Variants in STAT6 observed in about 807,000 individuals in gnomAD.
STAT6 encodes STAT, interleukin4-induced.
In STAT6, 45 loss-of-function variants were observed where a neutral mutation model predicts 106.3. That is an observed-to-expected ratio of 0.42 (90% CI 0.33 to 0.54). STAT6 has a LOEUF of 0.54. Among genes scored for constraint, STAT6 ranks in the 20% least tolerant of loss-of-function variants. STAT6 has a pLI of 0.06. For missense variants in STAT6, 797 were observed against 1,062.2 expected (o/e 0.75, Z 3.47); for synonymous variants, 413 against 413.6 (o/e 1.00, Z 0.02).
chr12:57,105,951 G>A, intron 7 of STAT6: 1 of 673,026 alleles, frequency 1.5e-6, no homozygotes, highest in Non-Finnish European at 2.4e-6. Flanking sequence ...TCTAGGCATG[G>A]GGCTTGAGGA....
rs1178004633 is a variant in STAT6, at chr12:57,101,347, A to G, written c.1512+943T>C. 6.7e-5 allele frequency among the ~76,000 whole-genome samples: 10 copies of G among 148,926 alleles called. No individual in the cohort carries two copies. In the East Asian group the frequency reaches 1.2e-3, roughly 18 times the overall value. The stretch of plus-strand genomic sequence containing the variant: ...TGTGATCCGCCCGCCTCAGCCTCCC[A>G]AAGTGCTGGGATTACAGGTGTGAGC... On this transcript the variant is annotated intron_variant, in intron 13 of 21. Transcript: ENST00000300134.
intron 2 of STAT6, 73 bp downstream of exon 2, chr12:57,108,090 G>A (rs1217291771): frequency 1.0e-6 from 1 of 989,894 alleles, no homozygotes; most frequent in Non-Finnish European, 1.5e-6. Flanking sequence ...TGGGTGAGGG[G>A]AGAAAAATCT....
At chr12:57,104,351 C>T in intron 11 of STAT6, 113 bp downstream of exon 11, 23 of 1,448,640 alleles carry the variant, frequency 1.6e-5, no homozygotes, top group Non-Finnish European at 2.1e-5. Context: ...GCATGAATCC[C>T]AGACACATGG....
At chr12:57,107,492 C>A in intron 3 of STAT6, 113 bp downstream of exon 3, 1 of 1,432,836 alleles carries the variant, frequency 7.0e-7, no homozygotes. Context: ...AGCAGTTAAC[C>A]ACAGGAACAC....
At position 57,102,551 on chromosome 12, in the gene STAT6, G is replaced by A. The variant is rs994468868; in HGVS notation, c.1306-55C>T. On this transcript the variant is annotated intron_variant, in intron 12 of 21. Coordinates refer to ENST00000300134, the MANE Select transcript of STAT6 (RefSeq NM_003153.5). ...GCAGGCTACCGTCTTGTTATTCCTC[G>A]GGCCGGCCTTCATCCCTCCCACCTG... The A allele has an allele frequency of 5.3e-5, 83 of 1,574,624 alleles. No homozygotes were observed. In the Middle Eastern group the frequency reaches 8.7e-4, roughly 17 times the overall value.
Position 57,107,223 on chromosome 12 carries a change from C to T in STAT6, c.339+8G>A. The T allele has an allele frequency of 3.1e-6, 5 of 1,613,830 alleles. No homozygotes were observed. Among genetic ancestry groups the T allele is most frequent in the Non-Finnish European group, 4.2e-6 (5 of 1,179,690 alleles). On this transcript the variant is annotated splice_region_variant and intron_variant, in intron 4 of 21. Transcript: ENST00000300134. Reference sequence around the variant, plus strand: ...TGAGTTGGGGTGGGAGGTGGAATATCACAATACCTGTTCCATAACAGCTTT... The same window carrying T: ...TGAGTTGGGGTGGGAGGTGGAATATTACAATACCTGTTCCATAACAGCTTT...
rs2034363993 is a variant in STAT6, at chr12:57,107,727, A to T, written c.133T>A (p.Ser45Thr). Reference protein sequence around the residue: ...ESQPWEFLVGSDAFCCNLASA... With the variant: ...ESQPWEFLVGTDAFCCNLASA... Reference sequence around the variant, plus strand: ...GCCAAGTTGCAGCAGAAGGCGTCGGAGCCGACCAGGAACTCCCTGCAGGAA... The same window carrying T: ...GCCAAGTTGCAGCAGAAGGCGTCGGTGCCGACCAGGAACTCCCTGCAGGAA... Residue 45 changes from serine to threonine, a missense_variant, in exon 3 of 22, where the codon TCC becomes ACC. Ser to Thr is a moderately conservative substitution (Grantham distance 58, BLOSUM62 1). Coordinates refer to ENST00000300134, the MANE Select transcript of STAT6 (RefSeq NM_003153.5). The T allele has an allele frequency of 6.2e-7, 1 of 1,614,118 alleles. No homozygotes were observed. The highest frequency in any genetic ancestry group is 2.2e-5 in the East Asian group (1 of 44,872).
Position 57,102,274 on chromosome 12 carries a change from A to C in STAT6, c.1512+16T>G, listed in dbSNP as rs2033977444. ...AAGAGCTTGGGGGTGGGAGGTCCAA[A>C]GGGCAGGAGAATGACCTTGTTGAAC... On this transcript the variant is annotated intron_variant, in intron 13 of 21. Coordinates refer to ENST00000300134, the MANE Select transcript of STAT6 (RefSeq NM_003153.5). The C allele has an allele frequency of 6.2e-7, 1 of 1,613,628 alleles. No homozygotes were observed. The highest frequency in any genetic ancestry group is 1.3e-5 in the African/African-American group (1 of 74,892).
At chr12:57,107,425 G>A in intron 3 of STAT6, 111 bp from the exon 4 acceptor site, 1 of 1,309,374 alleles carries the variant, frequency 7.6e-7, no homozygotes, top group Non-Finnish European at 1.1e-6. Flanking sequence ...CACAACTGTA[G>A]ACTCCAGAAG....
rs1253473010 is a variant in STAT6 at position 57,102,965 on chromosome 12, C to T, written c.1213-44G>A. On this transcript the variant is annotated intron_variant, in intron 11 of 21. Coordinates refer to ENST00000300134, the MANE Select transcript of STAT6 (RefSeq NM_003153.5). The stretch of plus-strand genomic sequence containing the variant: ...GGGGTTTCTTTTCTTTCTTTCTTTC[C>T]TTTTTTTTTTTTTTTTTTTTTTTTT... The T allele has an allele frequency of 3.0e-4, 90 of 303,334 alleles. 1 individual carries two copies. Among genetic ancestry groups the T allele is most frequent in the Middle Eastern group, 2.2e-3 (2 of 928 alleles). The allele number at this position is 303,334 out of a possible 1,614,324, so 18.8% of individuals were successfully genotyped here. A position where few individuals can be genotyped will look rare whatever the true frequency, so the allele number is the denominator to read the frequency against.
At position 57,096,955 on chromosome 12, in the gene STAT6, T is replaced by G; in HGVS notation, c.2249A>C (p.Gln750Pro). ...GTCAGGGCTGGACACAGCATGCTCCTGAGGCTGGCACGGCAGCAGGCCCCT... is the reference window on the plus strand; with the variant it reads ...GTCAGGGCTGGACACAGCATGCTCCGGAGGCTGGCACGGCAGCAGGCCCCT... ...HPQGLLPCQP[Q>P]EHAVSSPDPL... The change falls in exon 21 of 22, where the codon CAG (glutamine) becomes CCG (proline). Residue 750 changes from glutamine (Q) to proline (P), a missense_variant. By Grantham distance (76) the Gln-to-Pro change is moderately conservative (BLOSUM62 -1). Coordinates refer to ENST00000300134, the MANE Select transcript of STAT6 (RefSeq NM_003153.5). The G allele has an allele frequency of 1.2e-6, 2 of 1,613,870 alleles. No homozygotes were observed. Among genetic ancestry groups the G allele is most frequent in the African/African-American group, 2.7e-5 (2 of 75,032 alleles).
At position 57,104,033 on chromosome 12, in the gene STAT6, G is replaced by A. The variant is rs183600102; in HGVS notation, c.1212+431C>T. ...CGTAGAGAAGTGGTTATTAGTCATC[G>A]CTATGGAACCAGACCTCCAGGTTTC... On this transcript the variant is annotated intron_variant, in intron 11 of 21. Coordinates refer to ENST00000300134, the MANE Select transcript of STAT6 (RefSeq NM_003153.5). The A allele has an allele frequency of 3.5e-3, 653 of 186,272 alleles. 5 individuals are homozygous for A. The highest frequency in any genetic ancestry group is 0.014 in the African/African-American group (614 of 42,478). 11.5% of individuals were successfully genotyped at this position (186,272 alleles called of 1,614,324 possible). A position where few individuals can be genotyped will look rare whatever the true frequency, so the allele number is the denominator to read the frequency against.
At position 57,108,194 on chromosome 12, in the gene STAT6, G is replaced by T; in HGVS notation, c.85C>A (p.Leu29Ile). ...YVDFPQHLRH[L>I]LGDWLESQPW... Reference sequence around the variant, plus strand: ...TGGCTCTCCAGCCAGTCACCCAGAAGATGCCGCAGGTGTTGGGGAAAGTCG... The same window carrying T: ...TGGCTCTCCAGCCAGTCACCCAGAATATGCCGCAGGTGTTGGGGAAAGTCG... The change falls in exon 2 of 22, where the codon CTT becomes ATT. Residue 29 changes from leucine (L) to isoleucine (I), a missense_variant. Physicochemically the swap from Leu to Ile is conservative, Grantham distance 5. Coordinates refer to ENST00000300134, the MANE Select transcript of STAT6 (RefSeq NM_003153.5). 1.2e-6 allele frequency: 2 copies of T among 1,612,428 alleles called. No individual in the cohort carries two copies. Among genetic ancestry groups the T allele is most frequent in the Non-Finnish European group, 1.7e-6 (2 of 1,179,358 alleles).
At chr12:57,098,282 A>G (rs965743715) in intron 19 of STAT6, among the ~76,000 whole-genome samples, 15 of 152,216 alleles carry the variant, frequency 9.9e-5, no homozygotes, top group African/African-American at 3.4e-4. Flanking sequence ...CAGATAAGGC[A>G]CCAAAGGCTA....
Position 57,099,147 on chromosome 12 carries a change from G to A in STAT6, c.1892-69C>T. Reference sequence around the variant, plus strand: ...AGGGAGGAAGGGAGGTGGAAAAGGTGGGCATGGATCATGGGGAAGTAAGAG... The same window carrying A: ...AGGGAGGAAGGGAGGTGGAAAAGGTAGGCATGGATCATGGGGAAGTAAGAG... On this transcript the variant is annotated intron_variant, in intron 16 of 21. Coordinates refer to ENST00000300134, the MANE Select transcript of STAT6 (RefSeq NM_003153.5). The surrounding 1 kb of genome is among the most constrained non-coding windows in gnomAD (Gnocchi z 4.7). 1.2e-6 allele frequency: 2 copies of A among 1,603,028 alleles called. No homozygotes were observed. Among genetic ancestry groups the A allele is most frequent in the Non-Finnish European group, 1.7e-6 (2 of 1,171,082 alleles).
rs2034330545 is a variant in STAT6, at chr12:57,107,218, A to C, written c.339+13T>G. 2.5e-6 allele frequency: 4 copies of C among 1,612,798 alleles called. No individual in the cohort carries two copies. Among genetic ancestry groups the C allele is most frequent in the Non-Finnish European group, 3.4e-6 (4 of 1,178,774 alleles). On this transcript the variant is annotated intron_variant, in intron 4 of 21. Transcript: ENST00000300134. ...GGGATTGAGTTGGGGTGGGAGGTGGAATATCACAATACCTGTTCCATAACA... is the reference window on the plus strand; with the variant it reads ...GGGATTGAGTTGGGGTGGGAGGTGGCATATCACAATACCTGTTCCATAACA...
chr12:57,105,090 T>A, intron 9 of STAT6, 61 bp downstream of exon 9: 4 of 1,539,828 alleles, frequency 2.6e-6, no homozygotes, highest in Non-Finnish European at 3.5e-6. Context: ...GTGCCAGCCC[T>A]CCAGGCTGCC....
chr12:57,107,868 T>A, intron 2 of STAT6, 125 bp from the exon 3 acceptor site: 1 of 1,358,096 alleles, frequency 7.4e-7, no homozygotes, highest in Non-Finnish European at 9.9e-7. Flanking sequence ...AGGCCCTCTG[T>A]AGCTTTCACC....
At position 57,102,864 on chromosome 12, in the gene STAT6, C is replaced by T; in HGVS notation, c.1270G>A (p.Ala424Thr). 6.2e-7 allele frequency: 1 copy of T among 1,611,924 alleles called. No homozygotes were observed. Among genetic ancestry groups the T allele is most frequent in the Non-Finnish European group, 8.5e-7 (1 of 1,179,310 alleles). ...VHGNQDNNAK[A>T]TILWDNAFSE... Reference sequence around the variant, plus strand: ...AAGGCATTGTCCCACAGGATAGTGGCTTTGGCATTGTTGTCTTGGTTGCCA... The same window carrying T: ...AAGGCATTGTCCCACAGGATAGTGGTTTTGGCATTGTTGTCTTGGTTGCCA... The change falls in exon 12 of 22, where the codon GCC becomes ACC. Residue 424 changes from alanine (A) to threonine (T), a missense_variant. Coordinates refer to ENST00000300134, the MANE Select transcript of STAT6 (RefSeq NM_003153.5).
Sources: allele counts gnomAD v4.1 joint callset (sites outside exome capture counted in the v4.1 genomes callset), GRCh38; gene constraint gnomAD v4.1.1; non-coding constraint Gnocchi (gnomAD v3.1); transcripts MANE v1.5; gene names NCBI Gene and HGNC (gene_info 2026-07-23, HGNC 2026-07-21).